Variants in GRIP1 observed in about 807,000 individuals in gnomAD.
GRIP1 encodes glutamate receptor-interacting protein 1.
GRIP1 carries 45 observed loss-of-function variants against 129.9 expected under a neutral mutation model. The observed-to-expected ratio is 0.35, with a 90% CI of 0.27 to 0.44. The LOEUF (loss-of-function observed/expected upper bound fraction) is 0.44. Ranked by LOEUF, GRIP1 falls within the 20% of genes least tolerant of loss-of-function variation. The pLI, the probability that GRIP1 is intolerant of heterozygous loss-of-function variation, is 1.00. For synonymous variants in GRIP1, 530 were observed against 520.8 expected (o/e 1.02, Z -0.24); for missense variants, 1,196 against 1,396.8 (o/e 0.86, Z 2.29).
intron 1 of GRIP1, among the ~76,000 whole-genome samples, chr12:67,034,456 A>G (rs1203866632): frequency 2.6e-5 from 4 of 152,240 alleles, no homozygotes; most frequent in African/African-American, 9.6e-5. Context: ...AGCCTGTTAC[A>G]GTATAGAATA....
intron 7 of GRIP1, among the ~76,000 whole-genome samples, chr12:66,506,380 G>C (rs2060526934): frequency 6.6e-6 from 1 of 152,120 alleles, no homozygotes; most frequent in African/African-American, 2.4e-5. Flanking sequence ...TATTGCTATA[G>C]ACAACAATAT....
chr12:66,516,765 A>C (rs1431162495), intron 6 of GRIP1, among the ~76,000 whole-genome samples: 1 of 152,210 alleles, frequency 6.6e-6, no homozygotes, highest in African/African-American at 2.4e-5. Flanking sequence ...TACCCGCTGC[A>C]AAAGCAAATA....
intron 1 of GRIP1, among the ~76,000 whole-genome samples, chr12:66,719,589 T>C (rs1279689984): frequency 6.6e-6 from 1 of 152,180 alleles, no homozygotes; most frequent in Non-Finnish European, 1.5e-5. Flanking sequence ...TTTTCCAATT[T>C]ACCATTTGAT....
chr12:66,467,508 T>C (rs2059319421), intron 7 of GRIP1, among the ~76,000 whole-genome samples: 1 of 152,210 alleles, frequency 6.6e-6, no homozygotes, highest in African/African-American at 2.4e-5. Context: ...TGTGCAATGG[T>C]AGTTTGCACA....
rs566068678 is a variant in GRIP1, at chr12:66,390,160, G to A, written c.2464+2148C>T. Among the ~76,000 whole-genome samples the A allele has an allele frequency of 1.6e-4, 25 of 152,320 alleles. 2 individuals carry two copies. The South Asian group carries it at 5.2e-3, about 32-fold the overall frequency. On this transcript the variant is annotated intron_variant, in intron 19 of 24. Coordinates refer to ENST00000359742, the MANE Select transcript of GRIP1 (RefSeq NM_001366722.1). ...TTGGGCATTCAAGTCCATGCAGCGTGTCTTGGCGTGCAGTGAGGCAGGACC... is the reference window on the plus strand; with the variant it reads ...TTGGGCATTCAAGTCCATGCAGCGTATCTTGGCGTGCAGTGAGGCAGGACC...
intron 1 of GRIP1, among the ~76,000 whole-genome samples, chr12:66,899,289 G>C (rs2040804540): frequency 6.6e-6 from 1 of 152,096 alleles, no homozygotes; most frequent in Non-Finnish European, 1.5e-5. Flanking sequence ...CACTCATTCA[G>C]TGAAATGCTG....
intron 7 of GRIP1, among the ~76,000 whole-genome samples, chr12:66,473,254 C>T (rs79183042): frequency 6.6e-6 from 1 of 152,212 alleles, no homozygotes; most frequent in East Asian, 1.9e-4. Flanking sequence ...GGCAAAGCTG[C>T]TGTGGCCAGA....
intron 16 of GRIP1, among the ~76,000 whole-genome samples, chr12:66,404,984 T>G (rs546272152): frequency 6.6e-6 from 1 of 152,086 alleles, no homozygotes; most frequent in South Asian, 2.1e-4. Context: ...GTGAGCAGAG[T>G]TGGCGCCACT....
At position 66,451,383 on chromosome 12, in the gene GRIP1, G is replaced by GGTTTTTTTTTTTT. The variant is rs1565751885; in HGVS notation, c.1354+4025_1354+4026insAAAAAAAAAAAAC. Among the ~76,000 whole-genome samples the GGTTTTTTTTTTTT allele has an allele frequency of 1.2e-4, 5 of 42,650 alleles. 2 individuals are homozygous for GGTTTTTTTTTTTT. Among genetic ancestry groups the GGTTTTTTTTTTTT allele is most frequent in the Non-Finnish European group, 1.3e-4 (3 of 23,900 alleles). 28.0% of individuals were successfully genotyped at this position (42,650 alleles called of 152,430 possible). A position where few individuals can be genotyped will look rare whatever the true frequency, so the allele number is the denominator to read the frequency against. On this transcript the variant is annotated intron_variant, in intron 11 of 24. Coordinates refer to ENST00000359742, the MANE Select transcript of GRIP1 (RefSeq NM_001366722.1). ...CCCCAAAGATTTATTATTATAATCTGTTTTTTTTTTTTTTTTTTTTTTTTT... is the reference window on the plus strand; with the variant it reads ...CCCCAAAGATTTATTATTATAATCTGGTTTTTTTTTTTTTTTTTTTTTTTTTTTTTTTTTTTTT...
At chr12:66,550,836 T>G (rs972383290) in intron 2 of GRIP1, among the ~76,000 whole-genome samples, 37 of 152,184 alleles carry the variant, frequency 2.4e-4, no homozygotes, top group Non-Finnish European at 1.9e-4. Flanking sequence ...AAACCGCCTC[T>G]CTTCCTAAGC....
At chr12:66,853,450 T>C (rs539240022) in intron 1 of GRIP1, among the ~76,000 whole-genome samples, 9 of 152,036 alleles carry the variant, frequency 5.9e-5, no homozygotes, top group African/African-American at 1.2e-4. Flanking sequence ...TTTATCTTTT[T>C]TTCTCCTTAC....
chr12:67,053,802 C>T (rs10878554), intron 1 of GRIP1, among the ~76,000 whole-genome samples: 45,931 of 150,902 alleles, frequency 0.3, 8,349 homozygotes, highest in Non-Finnish European at 0.41. Context: ...CGCACCACTG[C>T]ACTCCAGCCT....
rs150513509 is a variant in GRIP1 at position 66,472,781 on chromosome 12, G to A, written c.725-7359C>T. ...ATGAGGGACTGTGCTGTGAGGAATGGTGCACACTAGCCCAGATACTACGCT... is the reference window on the plus strand; with the variant it reads ...ATGAGGGACTGTGCTGTGAGGAATGATGCACACTAGCCCAGATACTACGCT... On this transcript the variant is annotated intron_variant, in intron 7 of 24. Transcript: ENST00000359742. Among the ~76,000 whole-genome samples the A allele has an allele frequency of 6.1e-4, 93 of 152,308 alleles. 1 individual carries two copies. Among genetic ancestry groups the A allele is most frequent in the Middle Eastern group, 3.4e-3 (1 of 294 alleles).
At chr12:66,480,053 T>C (rs2059754589) in intron 7 of GRIP1, among the ~76,000 whole-genome samples, 2 of 152,248 alleles carry the variant, frequency 1.3e-5, no homozygotes, top group African/African-American at 4.8e-5. Flanking sequence ...CAACATAGTA[T>C]TGGAAGTTCT....
chr12:66,898,231 A>T (rs554137486), intron 1 of GRIP1, among the ~76,000 whole-genome samples: 6 of 152,312 alleles, frequency 3.9e-5, no homozygotes, highest in African/African-American at 1.2e-4. Flanking sequence ...CCCGAGACAC[A>T]GAGTCCTTAG....
rs200160989 is a variant in GRIP1 at position 66,378,105 on chromosome 12, T to A, written c.2622-820A>T. On this transcript the variant is annotated intron_variant, in intron 20 of 24. Coordinates refer to ENST00000359742, the MANE Select transcript of GRIP1 (RefSeq NM_001366722.1). Reference sequence around the variant, plus strand: ...AAAGATGGATCCATGAGGTATCTTTTAAAAAAAAAAAAAAGTAACTTAATG... The same window carrying A: ...AAAGATGGATCCATGAGGTATCTTTAAAAAAAAAAAAAAAGTAACTTAATG... Among the ~76,000 whole-genome samples the A allele has an allele frequency of 3.0e-3, 428 of 141,824 alleles. 3 individuals carry two copies. Among genetic ancestry groups the A allele is most frequent in the Admixed American group, 0.016 (221 of 14,180 alleles). 93.0% of individuals were successfully genotyped at this position (141,824 alleles called of 152,430 possible).
chr12:66,352,626 G>A (rs1041104507), intron 24 of GRIP1, among the ~76,000 whole-genome samples: 1 of 151,340 alleles, frequency 6.6e-6, no homozygotes, highest in Admixed American at 6.6e-5. Flanking sequence ...CCAGCTACTC[G>A]GGAGGCTGAG....
chr12:66,910,145 A>G (rs1337773848), intron 1 of GRIP1, among the ~76,000 whole-genome samples: 1 of 152,176 alleles, frequency 6.6e-6, no homozygotes, highest in Non-Finnish European at 1.5e-5. Context: ...CTTGTTTGGA[A>G]GCAAGACTTA....
chr12:66,801,768 C>A (rs1175129289), intron 1 of GRIP1, among the ~76,000 whole-genome samples: 1 of 152,050 alleles, frequency 6.6e-6, no homozygotes, highest in East Asian at 1.9e-4. Context: ...AAGAAGTAAA[C>A]ACTCTAGGGA....
Sources: gnomAD v4.1 joint callset for allele counts (sites outside exome capture counted in the v4.1 genomes callset) on GRCh38, gnomAD v4.1.1 for gene constraint, MANE v1.5 for transcripts, NCBI Gene and HGNC (gene_info 2026-07-23, HGNC 2026-07-21) for gene names.